The following ADPRHL1 variants were observed in gnomAD, a reference collection of about 807,000 sequenced individuals.
The protein encoded by ADPRHL1 is inactive ADP-ribosyltransferase ARH2.
Under a neutral mutation model 44.1 loss-of-function variants are expected in ADPRHL1, and 43 were observed. The observed-to-expected ratio is 0.98, with a 90% confidence interval of 0.76 to 1.26. The LOEUF (loss-of-function observed/expected upper bound fraction) is 1.26, where lower values mean the gene tolerates loss of function less well. Among genes scored for constraint, ADPRHL1 ranks in the 50% most tolerant of loss-of-function variants. ADPRHL1 has a pLI of 0.00. For missense variants in ADPRHL1, 2,022 were observed against 2,496.9 expected, an observed-to-expected ratio of 0.81 and a Z score of 4.05; for synonymous variants, 878 against 1,017.4, an observed-to-expected ratio of 0.86 and a Z score of 2.61.
At chr13:113,451,106 A>G (rs913492639) in intron 1 of ADPRHL1, among the ~76,000 whole-genome samples, 8 of 152,218 alleles carry the variant, frequency 5.3e-5, no homozygotes, top group African/African-American at 1.9e-4. Flanking sequence ...GTCCGGGCAT[A>G]ACAGAAGGCT....
At chr13:113,423,031 G>A in intron 6 of ADPRHL1, 52 bp from the exon 7 acceptor site, 1 of 1,607,984 alleles carries the variant, frequency 6.2e-7, no homozygotes, top group Non-Finnish European at 8.5e-7. Flanking sequence ...CAGGGCCTCT[G>A]CAAGACCCCT....
intron 2 of ADPRHL1, among the ~76,000 whole-genome samples, chr13:113,442,070 A>G (rs1343020807): frequency 2.0e-5 from 3 of 152,224 alleles, no homozygotes; most frequent in African/African-American, 7.2e-5. Flanking sequence ...TTCTTGTTAC[A>G]TGACTCTGTG....
rs750172361 is a variant in ADPRHL1, at chr13:113,429,020, C to G, written c.578G>C (p.Gly193Ala). Residue 193 changes from glycine to alanine, a missense_variant, in exon 4 of 8, where the codon GGG becomes GCG. By Grantham distance (60) the Gly-to-Ala change is moderately conservative. This residue lies in a region of ADPRHL1 where 437 missense variants were observed against 430.7 expected (regional missense o/e 1.01). Transcript: ENST00000612156. ...AAQGKPLVQWGRDMLRAVPLA... is the reference protein window; with the variant it reads ...AAQGKPLVQWARDMLRAVPLA... The stretch of plus-strand genomic sequence containing the variant: ...AGGCACCGCCCGCAGCATGTCTCTC[C>G]CCCACTGGACCAGGGGCTTTCCTTG... The G allele has an allele frequency of 6.2e-7, 1 of 1,612,874 alleles. No homozygotes were observed. Among genetic ancestry groups the G allele is most frequent in the Non-Finnish European group, 8.5e-7 (1 of 1,180,002 alleles).
At position 113,403,240 on chromosome 13, in the gene ADPRHL1, A is replaced by G; in HGVS notation, c.*138T>C. Reference sequence around the variant, plus strand: ...CAATCCTCCCAAGGTCAGCTTGTGAAGAAGGGAAAGAAAATTATGGAAACA... The same window carrying G: ...CAATCCTCCCAAGGTCAGCTTGTGAGGAAGGGAAAGAAAATTATGGAAACA... On this transcript the variant is annotated 3_prime_UTR_variant, in exon 8 of 8. Coordinates refer to ENST00000612156, the MANE Select transcript of ADPRHL1 (RefSeq NM_001394807.1). 1.3e-6 allele frequency: 1 copy of G among 761,264 alleles called. No individual in the cohort carries two copies. The highest frequency in any genetic ancestry group is 1.8e-6 in the Non-Finnish European group (1 of 559,178). 47.2% of individuals were successfully genotyped at this position (761,264 alleles called of 1,614,324 possible).
At chr13:113,438,484 A>G (rs1378757372) in intron 2 of ADPRHL1, among the ~76,000 whole-genome samples, 1 of 152,098 alleles carries the variant, frequency 6.6e-6, no homozygotes, top group Admixed American at 6.5e-5. Flanking sequence ...ACCTGAGGTC[A>G]GGAGTTCGAG....
chr13:113,453,127 C>T lies in ADPRHL1; in HGVS notation c.214+97G>A, dbSNP rs563657455. The T allele has an allele frequency of 9.0e-6, 12 of 1,340,776 alleles. No individual in the cohort carries two copies. Among genetic ancestry groups the T allele is most frequent in the East Asian group, 2.4e-5 (1 of 42,154 alleles). The allele number at this position is 1,340,776 out of a possible 1,614,324, so 83.1% of individuals were successfully genotyped here. The stretch of plus-strand genomic sequence containing the variant: ...CAGGTAACACCATCCGCTGAAGGAC[C>T]GCACTGCCTTCAAAGCTCTCGGAGG... On this transcript the variant is annotated intron_variant, in intron 1 of 7. Coordinates refer to ENST00000612156, the MANE Select transcript of ADPRHL1 (RefSeq NM_001394807.1). The surrounding 1 kb of genome is among the most constrained non-coding windows in gnomAD (Gnocchi z 5.4).
chr13:113,438,562 C>G (rs1595553080), intron 2 of ADPRHL1, among the ~76,000 whole-genome samples: 1 of 152,236 alleles, frequency 6.6e-6, no homozygotes, highest in African/African-American at 2.4e-5. Flanking sequence ...GGCATGGTGG[C>G]ACGCACCTGT....
Position 113,412,851 on chromosome 13 carries a change from A to G in ADPRHL1, c.1062-4631T>C, listed in dbSNP as rs112539848. On this transcript the variant is annotated intron_variant, in intron 7 of 7. Transcript: ENST00000612156. ...TCACCCACCGCCAACAGCGCCCCGC[A>G]GAGCTCGGTTCACCCACCGCCAACA... is the stretch of plus-strand genomic sequence containing the variant. Among the ~76,000 whole-genome samples, 127 of 37,912 alleles carry G rather than the reference A, an allele frequency of 3.3e-3. 1 individual carries two copies. The highest frequency in any genetic ancestry group is 6.6e-3 in the African/African-American group (36 of 5,450). 24.9% of individuals were successfully genotyped at this position (37,912 alleles called of 152,430 possible). A position where few individuals can be genotyped will look rare whatever the true frequency, so the allele number is the denominator to read the frequency against.
At chr13:113,439,470 A>G (rs2044083145) in intron 2 of ADPRHL1, among the ~76,000 whole-genome samples, 1 of 132,794 alleles carries the variant, frequency 7.5e-6, no homozygotes, top group African/African-American at 2.9e-5. Flanking sequence ...TTTTCCTGAG[A>G]CGGCGTCTTG....
At chr13:113,420,402 C>T (rs1346973455) in intron 7 of ADPRHL1, among the ~76,000 whole-genome samples, 1 of 150,006 alleles carries the variant, frequency 6.7e-6, no homozygotes, top group East Asian at 1.9e-4. Context: ...TTGAATGCAG[C>T]CGCGCCCTGC....
chr13:113,409,294 G>A lies in ADPRHL1; in HGVS notation c.1062-1074C>T, dbSNP rs137972686. 16,794 of 985,200 alleles carry A rather than the reference G, an allele frequency of 0.017. 171 individuals are homozygous for A. The highest frequency in any genetic ancestry group is 0.053 in the South Asian group (1,131 of 21,270). 61.0% of individuals were successfully genotyped at this position (985,200 alleles called of 1,614,324 possible). On this transcript the variant is annotated intron_variant, in intron 7 of 7. Coordinates refer to ENST00000612156, the MANE Select transcript of ADPRHL1 (RefSeq NM_001394807.1). This position sits in a 1 kb window ranked among gnomAD's most constrained non-coding sequence, Gnocchi z 4.2. ...CCCATCTGTGGCAGGGGGTGGAGCC[G>A]TCTCTGACCTCCCCAGATGATAATT...
At chr13:113,452,397 T>G (rs190161192) in intron 1 of ADPRHL1, among the ~76,000 whole-genome samples, 116 of 152,348 alleles carry the variant, frequency 7.6e-4, no homozygotes, top group Non-Finnish European at 1.5e-3. Flanking sequence ...CCATGGCAGA[T>G]GAACAGAATG....
rs748045770 is a variant in ADPRHL1, at chr13:113,429,029, A to G, written c.569T>C (p.Val190Ala). 2.5e-6 allele frequency: 4 copies of G among 1,612,650 alleles called. No individual in the cohort carries two copies. Among genetic ancestry groups the G allele is most frequent in the African/African-American group, 1.3e-5 (1 of 74,898 alleles). Residue 190 changes from valine to alanine, a missense_variant, in exon 4 of 8, where the codon GTC becomes GCC. This residue lies in a region of ADPRHL1 where 437 missense variants were observed against 430.7 expected (regional missense o/e 1.01). Transcript: ENST00000612156. ...VSFAAQGKPL[V>A]QWGRDMLRAV... ...CCGCAGCATGTCTCTCCCCCACTGG[A>G]CCAGGGGCTTTCCTTGTGCGGCGAA... is the stretch of plus-strand genomic sequence containing the variant.
At chr13:113,412,809 A>AGAACTCGGTTCACCCACCGCCAACAGTG (rs1276719059) in intron 7 of ADPRHL1, among the ~76,000 whole-genome samples, 1 of 41,036 alleles carries the variant, frequency 2.4e-5, no homozygotes, top group Admixed American at 2.4e-4. Flanking sequence ...CGCCAACAGC[A>AGAACTCGGTTCACCCACCGCCAACAGTG]CCCCGCAGAA....
In ADPRHL1 at chr13:113,428,146, A is replaced by G. The variant is rs189431783; in HGVS notation, c.646+806T>C. Among the ~76,000 whole-genome samples, 21 of 150,906 alleles carry G rather than the reference A, an allele frequency of 1.4e-4. No individual in the cohort carries two copies. In the East Asian group the frequency reaches 4.1e-3, roughly 30 times the overall value. ...GTAATCCCAGCTGCTTCGGCGGCTG[A>G]GGCAGGAGAATTGCTTGAACCTGGG... On this transcript the variant is annotated intron_variant, in intron 4 of 7. Transcript: ENST00000612156.
chr13:113,406,355 C>T lies in ADPRHL1; in HGVS notation c.2927G>A (p.Gly976Glu). 1 of 1,232,108 alleles carries T rather than the reference C, an allele frequency of 8.1e-7. No homozygotes were observed. Among genetic ancestry groups the T allele is most frequent in the Non-Finnish European group, 1.0e-6 (1 of 987,976 alleles). The allele number at this position is 1,232,108 out of a possible 1,614,324, so 76.3% of individuals were successfully genotyped here. ...HGPRNPDDIS[G>E]ERTSELRDVK... ...ATCTCTGAGCTCAGAGGTCCTCTCT[C>T]CTGAAATATCGTCAGGATTCCTGGG... Residue 976 changes from glycine to glutamate, a missense_variant, in exon 8 of 8, where the codon GGA (glycine) becomes GAA (glutamate). This residue lies in a region of ADPRHL1 where 1,221 missense variants were observed against 1,517.8 expected (regional missense o/e 0.80). Transcript: ENST00000612156.
intron 1 of ADPRHL1, among the ~76,000 whole-genome samples, chr13:113,446,592 G>A (rs1000909753): frequency 6.6e-6 from 1 of 151,994 alleles, no homozygotes; most frequent in African/African-American, 2.4e-5. Context: ...GTTGTCTTAT[G>A]TGCACAGTGT....
At position 113,453,040 on chromosome 13, in the gene ADPRHL1, G is replaced by C. The variant is rs2044188044; in HGVS notation, c.214+184C>G. On this transcript the variant is annotated intron_variant, in intron 1 of 7. Transcript: ENST00000612156. The surrounding 1 kb of genome is among the most constrained non-coding windows in gnomAD (Gnocchi z 5.4). ...CTCAGAGAAACCACAGGAGAAACGT[G>C]ATCTGCCGCATATCAAATTTGAGGG... 6.6e-6 allele frequency among the ~76,000 whole-genome samples: 1 copy of C among 152,182 alleles called. No homozygotes were observed. The highest frequency in any genetic ancestry group is 6.5e-5 in the Admixed American group (1 of 15,278).
At chr13:113,447,277 G>A (rs1311071848) in intron 1 of ADPRHL1, among the ~76,000 whole-genome samples, 13 of 135,388 alleles carry the variant, frequency 9.6e-5, no homozygotes, top group African/African-American at 1.7e-4. Context: ...TGTGCATGGC[G>A]TCTACACGCA....
Sources: allele counts gnomAD v4.1 joint callset (sites outside exome capture counted in the v4.1 genomes callset), GRCh38; gene constraint gnomAD v4.1.1; regional missense constraint gnomAD v4.1.1; non-coding constraint Gnocchi (gnomAD v3.1); transcripts MANE v1.5; gene names NCBI Gene and HGNC (gene_info 2026-07-23, HGNC 2026-07-21).